The following LRP11 variants were observed in gnomAD, a reference collection of about 807,000 sequenced individuals.
LRP11 encodes the protein low-density lipoprotein receptor-related protein 11.
A neutral mutation model predicts 43.1 loss-of-function variants in LRP11; 25 were observed. The ratio of observed to expected loss-of-function variants is 0.58; its 90% CI spans 0.42 to 0.81. LRP11 has a LOEUF of 0.81. LRP11 is among the 30% of genes least tolerant of loss of function. LRP11 has a pLI of 0.00. For missense variants in LRP11, 623 were observed against 665.1 expected (o/e 0.94, Z 0.70); for synonymous variants, 316 against 299.4 (o/e 1.06, Z -0.57).
chr6:149,854,871 G>A (rs1303629287), intron 1 of LRP11, among the ~76,000 whole-genome samples: 1 of 152,144 alleles, frequency 6.6e-6, no homozygotes, highest in Non-Finnish European at 1.5e-5. Context: ...CTTGAGTTTC[G>A]GGGCTTACTG....
chr6:149,844,209 C>T (rs374577810), intron 2 of LRP11, among the ~76,000 whole-genome samples: 27 of 151,682 alleles, frequency 1.8e-4, no homozygotes, highest in African/African-American at 5.8e-4. Flanking sequence ...GCCAAGATCA[C>T]CCACTGCATT....
chr6:149,839,617 A>AG (rs1776519080), intron 3 of LRP11, among the ~76,000 whole-genome samples: 2 of 152,190 alleles, frequency 1.3e-5, no homozygotes, highest in African/African-American at 2.4e-5. Context: ...ATGCATCCTG[A>AG]TCAATAATAT....
Position 149,820,357 on chromosome 6 carries a change from C to A in LRP11, c.*192G>T. The A allele has an allele frequency of 6.7e-6, 3 of 446,140 alleles. No individual in the cohort carries two copies. Among genetic ancestry groups the A allele is most frequent in the Non-Finnish European group, 1.2e-5 (3 of 253,732 alleles). 27.6% of individuals were successfully genotyped at this position (446,140 alleles called of 1,614,324 possible). ...TTTAGGAATCTTTAATCATGAATTC[C>A]TCTCTAAATTTCAAAATATTTTATG... On this transcript the variant is annotated 3_prime_UTR_variant, in exon 7 of 7. Coordinates refer to ENST00000239367, the MANE Select transcript of LRP11 (RefSeq NM_032832.6).
Position 149,820,579 on chromosome 6 carries a change from C to T in LRP11, c.1473G>A (p.Ser491=), listed in dbSNP as rs150488131. 12 of 780,814 alleles carry T rather than the reference C, an allele frequency of 1.5e-5. No individual in the cohort carries two copies. Among genetic ancestry groups the T allele is most frequent in the African/African-American group, 1.0e-4 (6 of 59,116 alleles). The allele number at this position is 780,814 out of a possible 1,614,324, so 48.4% of individuals were successfully genotyped here. Residue 491 remains serine (S), a synonymous_variant, in exon 7 of 7, where the codon TCG becomes TCA. Transcript: ENST00000239367. The stretch of plus-strand genomic sequence containing the variant: ...GATACATCCCATTTATGAGGTAGTC[C>T]GATTCCTCAGATGTAATGGGACGAG... ...KKARPITSEE[S]DYLINGMYL
intron 2 of LRP11, among the ~76,000 whole-genome samples, chr6:149,846,820 G>C (rs1302960879): frequency 6.6e-6 from 1 of 152,050 alleles, no homozygotes; most frequent in Non-Finnish European, 1.5e-5. Flanking sequence ...TGTAGTCCCA[G>C]CTACTTGGGA....
At chr6:149,849,354 ATTCAG>A (rs141143088) in intron 2 of LRP11, among the ~76,000 whole-genome samples, 4,527 of 152,298 alleles carry the variant, frequency 0.03, 209 homozygotes, top group African/African-American at 0.1. Context: ...TATTATAAAT[ATTCAG>A]TTAAGTGGAT....
chr6:149,849,591 T>C (rs1776689410), intron 2 of LRP11, among the ~76,000 whole-genome samples: 1 of 152,102 alleles, frequency 6.6e-6, no homozygotes, highest in African/African-American at 2.4e-5. Context: ...ACCTCATCTC[T>C]ACAAAAAGTT....
chr6:149,863,583 C>A lies in LRP11; in HGVS notation c.438G>T (p.Glu146Asp). The A allele has an allele frequency of 7.0e-7, 1 of 1,419,286 alleles. No homozygotes were observed. The highest frequency in any genetic ancestry group is 1.5e-5 in the South Asian group (1 of 68,708). The allele number at this position is 1,419,286 out of a possible 1,614,324, so 87.9% of individuals were successfully genotyped here. Residue 146 changes from glutamate (E) to aspartate (D), a missense_variant, in exon 1 of 7, where the codon GAG (glutamate) becomes GAT (aspartate). Transcript: ENST00000239367. ...CCGGGGGCGCGGGGCGCCGGGGCAG[C>A]TCCACCACGGCCACGGAGCAGCGCG... ...SEPRCSVAVV[E>D]LPRRPAPPAA... is the part of the protein sequence containing the mutation.
chr6:149,848,796 C>T (rs7769115), intron 2 of LRP11, among the ~76,000 whole-genome samples: 54,970 of 151,908 alleles, frequency 0.36, 10,821 homozygotes, highest in East Asian at 0.82. Flanking sequence ...TGCTTAATAC[C>T]CAGGTGAGGA....
chr6:149,821,482 G>A (rs961289691), intron 6 of LRP11, among the ~76,000 whole-genome samples: 5 of 152,186 alleles, frequency 3.3e-5, no homozygotes, highest in Admixed American at 6.5e-5. Flanking sequence ...TAAATCCAGG[G>A]AACTGACTCA....
intron 5 of LRP11, among the ~76,000 whole-genome samples, chr6:149,831,656 A>G (rs555907536): frequency 1.3e-5 from 2 of 152,298 alleles, no homozygotes; most frequent in East Asian, 3.9e-4. Flanking sequence ...AAGTGGGACA[A>G]TTGGGTCAAA....
chr6:149,864,275 T>TGCGCCTCTCCGCCCC lies in LRP11; in HGVS notation c.-270_-256dup, dbSNP rs1251746322. 56 of 1,060,164 alleles carry TGCGCCTCTCCGCCCC rather than the reference T, an allele frequency of 5.3e-5. No homozygotes were observed. Among genetic ancestry groups the TGCGCCTCTCCGCCCC allele is most frequent in the Admixed American group, 1.6e-4 (3 of 18,510 alleles). 65.7% of individuals were successfully genotyped at this position (1,060,164 alleles called of 1,614,324 possible). A position where few individuals can be genotyped will look rare whatever the true frequency, so the allele number is the denominator to read the frequency against. On this transcript the variant is annotated 5_prime_UTR_variant, in exon 1 of 7. Coordinates refer to ENST00000239367, the MANE Select transcript of LRP11 (RefSeq NM_032832.6). ...CCTCGCCGGAGACTGCCCAGCGCCC[T>TGCGCCTCTCCGCCCC]GCGCCTCTCCGCCCCGGCCTGCGGC...
chr6:149,836,009 A>G (rs1776466038), intron 5 of LRP11, 76 bp downstream of exon 5: 2 of 1,325,168 alleles, frequency 1.5e-6, no homozygotes, highest in Non-Finnish European at 2.2e-6. Flanking sequence ...CACTCTTCAA[A>G]CATAAACTTA....
intron 5 of LRP11, among the ~76,000 whole-genome samples, chr6:149,832,329 T>G (rs1312209112): frequency 6.7e-6 from 1 of 149,038 alleles, no homozygotes; most frequent in African/African-American, 2.5e-5. Context: ...GTAGCTGGGA[T>G]TACAGGTGCC....
chr6:149,820,203 C>T lies in LRP11; in HGVS notation c.*346G>A, dbSNP rs1776258539. 1 of 174,002 alleles carries T rather than the reference C, an allele frequency of 5.7e-6. No individual in the cohort carries two copies. Among genetic ancestry groups the T allele is most frequent in the South Asian group, 1.3e-4 (1 of 7,696 alleles). 10.8% of individuals were successfully genotyped at this position (174,002 alleles called of 1,614,324 possible). On this transcript the variant is annotated 3_prime_UTR_variant, in exon 7 of 7. Transcript: ENST00000239367. ...GCAGTCCAGCATGGTAAGGGGCCAA[C>T]AGTTGGCTTCTAAAAGGTAATGGGT...
At chr6:149,847,003 GAATAGAATAGAATAA>G (rs1329723038) in intron 2 of LRP11, among the ~76,000 whole-genome samples, 14 of 149,618 alleles carry the variant, frequency 9.4e-5, no homozygotes, top group African/African-American at 3.4e-4. Context: ...GAATAGAATA[GAATAGAATAGAATAA>G]ACCAAGGAAG....
chr6:149,847,876 CACAT>C (rs1459617028), intron 2 of LRP11, among the ~76,000 whole-genome samples: 5 of 127,120 alleles, frequency 3.9e-5, no homozygotes, highest in Non-Finnish European at 3.3e-5. Context: ...CACACACACA[CACAT>C]TGTATATACT....
chr6:149,856,044 G>A (rs1209137665), intron 1 of LRP11, among the ~76,000 whole-genome samples: 1 of 152,126 alleles, frequency 6.6e-6, no homozygotes, highest in Non-Finnish European at 1.5e-5. Context: ...AATGGTTTAT[G>A]ACTTTATAAT....
Position 149,842,664 on chromosome 6 carries a change from A to G in LRP11, c.913+319T>C, listed in dbSNP as rs764944012. On this transcript the variant is annotated intron_variant, in intron 3 of 6. Coordinates refer to ENST00000239367, the MANE Select transcript of LRP11 (RefSeq NM_032832.6). ...TTCCCTCTTGGAACAGATGCAGCAA[A>G]TGGACCATCCATCTGTAAACAAAGT... 4.5e-6 allele frequency: 7 copies of G among 1,551,012 alleles called. No individual in the cohort carries two copies. The South Asian group carries it at 8.3e-5, about 18-fold the overall frequency.
Sources: gnomAD v4.1 joint callset for allele counts (sites outside exome capture counted in the v4.1 genomes callset) on GRCh38, gnomAD v4.1.1 for gene constraint, MANE v1.5 for transcripts, NCBI Gene and HGNC (gene_info 2026-07-23, HGNC 2026-07-21) for gene names.